The following HAAO variants were observed in gnomAD, a reference collection of about 807,000 sequenced individuals.
The protein encoded by HAAO is 3-hydroxyanthranilate 3,4-dioxygenase.
In HAAO, 49 loss-of-function variants were observed where a neutral mutation model predicts 46.2. The ratio of observed to expected loss-of-function variants is 1.06; its 90% CI spans 0.84 to 1.34. HAAO has a LOEUF of 1.34. HAAO is among the 40% of genes most tolerant of loss of function. The pLI, the probability that HAAO is intolerant of heterozygous loss-of-function variation, is 0.00. For synonymous variants in HAAO, 157 were observed against 145.2 expected (o/e 1.08, Z -0.58); for missense variants, 408 against 364.5 (o/e 1.12, Z -0.97).
At chr2:42,768,585 T>C (rs1670846737) in intron 7 of HAAO, among the ~76,000 whole-genome samples, 1 of 152,128 alleles carries the variant, frequency 6.6e-6, no homozygotes, top group African/African-American at 2.4e-5. Context: ...CCTGTGGCCA[T>C]GAGCATCCCT....
intron 4 of HAAO, among the ~76,000 whole-genome samples, chr2:42,777,171 TG>T (rs1671642055): frequency 6.6e-6 from 1 of 151,014 alleles, no homozygotes; most frequent in South Asian, 2.1e-4. Flanking sequence ...GGTGTGGTTG[TG>T]GGCGCCTGCA....
chr2:42,778,912 G>A (rs1056911426), intron 4 of HAAO, among the ~76,000 whole-genome samples: 9 of 152,138 alleles, frequency 5.9e-5, no homozygotes, highest in Middle Eastern at 3.4e-3. Flanking sequence ...TCAGGAGTTC[G>A]AGACCAGCTT....
rs1363954556 is a variant in HAAO at position 42,783,341 on chromosome 2, C to T, written c.323G>A (p.Arg108Gln). Residue 108 changes from arginine to glutamine, a missense_variant, in exon 4 of 10, where the codon CGG becomes CAG. By Grantham distance (43) the Arg-to-Gln change is conservative. Transcript: ENST00000294973. ...GAGCCCATCTAGCTCGGTCTCCAGC[C>T]GCCTTCGCTCAACCACCAGCCCCAC... ...NTVGLVVERR[R>Q]LETELDGLRY... is the part of the protein sequence containing the mutation. 1.1e-5 allele frequency: 18 copies of T among 1,612,392 alleles called. No individual in the cohort carries two copies. The highest frequency in any genetic ancestry group is 4.5e-5 in the East Asian group (2 of 44,858).
intron 6 of HAAO, 108 bp from the exon 7 acceptor site, chr2:42,769,966 G>T (rs1573899950): frequency 1.6e-6 from 2 of 1,273,676 alleles, no homozygotes; most frequent in South Asian, 2.8e-5. Flanking sequence ...AACAGGCTCT[G>T]TATCCAGCTC....
chr2:42,784,630 G>GCAGAC (rs1672262805), intron 2 of HAAO, among the ~76,000 whole-genome samples: 1 of 152,076 alleles, frequency 6.6e-6, no homozygotes, highest in South Asian at 2.1e-4. Context: ...AGAGGAGGAG[G>GCAGAC]CAGACCGGTT....
rs767323901 is a variant in HAAO, at chr2:42,767,672, G to C, written c.705C>G (p.Gly235=). 2.6e-6 allele frequency: 4 copies of C among 1,568,446 alleles called. No individual in the cohort carries two copies. The South Asian group carries it at 3.5e-5, about 14-fold the overall frequency. The change falls in exon 9 of 10, where the codon GGC becomes GGG. Residue 235 remains glycine (G), a synonymous_variant. Transcript: ENST00000294973. ...NVDVWLWQLE[G]SSVVTMGGRR... ...GTCCCCCCATTGTCACCACCGAGGA[G>C]CCCTCCTGGAGAAGAGGAGCAGGAG...
intron 2 of HAAO, among the ~76,000 whole-genome samples, chr2:42,785,202 G>A (rs376777579): frequency 2.0e-5 from 3 of 152,118 alleles, no homozygotes; most frequent in Admixed American, 6.6e-5. Context: ...TGTGCTCAGC[G>A]CATAGTAAGC....
At chr2:42,791,412 G>A (rs1432022579) in intron 1 of HAAO, among the ~76,000 whole-genome samples, 1 of 152,154 alleles carries the variant, frequency 6.6e-6, no homozygotes, top group Non-Finnish European at 1.5e-5. Flanking sequence ...AGGCAAAGAT[G>A]ATGCTACATC....
intron 1 of HAAO, 116 bp from the exon 2 acceptor site, chr2:42,788,723 T>C (rs1573958956): frequency 1.4e-6 from 1 of 736,844 alleles, no homozygotes; most frequent in African/African-American, 1.7e-5. Context: ...AGCAGGGCTG[T>C]TTTGGCCTCA....
At chr2:42,769,630 AG>A in intron 7 of HAAO, 82 bp downstream of exon 7, 1 of 1,096,230 alleles carries the variant, frequency 9.1e-7, no homozygotes, top group South Asian at 1.5e-5. Flanking sequence ...AGAGAGAGAG[AG>A]AGAGGCAGTG....
chr2:42,783,428 G>C lies in HAAO; in HGVS notation c.244-8C>G, dbSNP rs201277760. The C allele has an allele frequency of 6.4e-7, 1 of 1,556,990 alleles. No individual in the cohort carries two copies. Among genetic ancestry groups the C allele is most frequent in the Non-Finnish European group, 8.8e-7 (1 of 1,130,086 alleles). On this transcript the variant is annotated splice_region_variant and splice_polypyrimidine_tract_variant and intron_variant, in intron 3 of 9. Coordinates refer to ENST00000294973, the MANE Select transcript of HAAO (RefSeq NM_012205.3). The stretch of plus-strand genomic sequence containing the variant: ...GGCAGGCAGGAGGAATATCTGCAGT[G>C]GTAGAGATAAGGTGCACAGTGAGGC...
chr2:42,781,386 G>T (rs778502039), intron 4 of HAAO, among the ~76,000 whole-genome samples: 24 of 152,014 alleles, frequency 1.6e-4, no homozygotes, highest in Non-Finnish European at 2.5e-4. Flanking sequence ...CTGACCTTTG[G>T]TAAGTAAAGA....
intron 4 of HAAO, chr2:42,783,042 G>T (rs551334769): frequency 1.9e-6 from 1 of 521,448 alleles, no homozygotes; most frequent in Non-Finnish European, 3.5e-6. Flanking sequence ...ACAACCTCAC[G>T]CAGAAAGCAC....
rs1210596494 is a variant in HAAO at position 42,769,579 on chromosome 2, G to C, written c.630+134C>G. The C allele has an allele frequency of 5.2e-3, 798 of 152,134 alleles. 1 individual carries two copies. The highest frequency in any genetic ancestry group is 0.049 in the African/African-American group (661 of 13,474). The allele number at this position is 152,134 out of a possible 1,614,324, so 9.4% of individuals were successfully genotyped here. On this transcript the variant is annotated intron_variant, in intron 7 of 9. Coordinates refer to ENST00000294973, the MANE Select transcript of HAAO (RefSeq NM_012205.3). ...TCTACAACCTCTGAAATGTGTGTGT[G>C]TGTGTGTGTGTGTGTGTGTGTGTGT...
Position 42,781,594 on chromosome 2 carries a change from C to T in HAAO, c.350+1720G>A, listed in dbSNP as rs536182817. On this transcript the variant is annotated intron_variant, in intron 4 of 9. Coordinates refer to ENST00000294973, the MANE Select transcript of HAAO (RefSeq NM_012205.3). ...TATGTAAAAAATAATTATTCTTGGC[C>T]AGGTGTGGTGGCTCATGCCTGTAAT... 1.6e-3 allele frequency among the ~76,000 whole-genome samples: 248 copies of T among 152,266 alleles called. 1 individual carries two copies. The highest frequency in any genetic ancestry group is 4.4e-3 in the South Asian group (21 of 4,824).
chr2:42,770,572 C>T lies in HAAO; in HGVS notation c.361G>A (p.Gly121Ser), dbSNP rs746987361. 6.4e-7 allele frequency: 1 copy of T among 1,550,694 alleles called. No individual in the cohort carries two copies. The highest frequency in any genetic ancestry group is 1.2e-5 in the South Asian group (1 of 83,902). The change falls in exon 5 of 10, where the codon GGC (glycine) becomes AGC (serine). Residue 121 changes from glycine (G) to serine (S), a missense_variant. Coordinates refer to ENST00000294973, the MANE Select transcript of HAAO (RefSeq NM_012205.3). Reference sequence around the variant, plus strand: ...TCAAACAGAACGTCCATGGTGTCGCCCACATAGTACCTGCCAGAGCAGAGG... The same window carrying T: ...TCAAACAGAACGTCCATGGTGTCGCTCACATAGTACCTGCCAGAGCAGAGG... ...TELDGLRYYV[G>S]DTMDVLFEKW...
At position 42,770,040 on chromosome 2, in the gene HAAO, G is replaced by C. The variant is rs1573900231; in HGVS notation, c.484+103C>G. ...CATCTTCTTAGTACCTTGAGGACTG[G>C]GCAGAGTATTCAAAAAGAGACTCCC... On this transcript the variant is annotated intron_variant, in intron 6 of 9. Coordinates refer to ENST00000294973, the MANE Select transcript of HAAO (RefSeq NM_012205.3). The C allele has an allele frequency of 4.2e-6, 5 of 1,182,672 alleles. No homozygotes were observed. In the East Asian group the frequency reaches 9.9e-5, roughly 23 times the overall value. 73.3% of individuals were successfully genotyped at this position (1,182,672 alleles called of 1,614,324 possible).
chr2:42,781,390 G>T (rs549649677), intron 4 of HAAO, among the ~76,000 whole-genome samples: 1 of 152,252 alleles, frequency 6.6e-6, no homozygotes, highest in South Asian at 2.1e-4. Flanking sequence ...CCTTTGGTAA[G>T]TAAAGACCCT....
At chr2:42,769,387 A>G (rs1015301124) in intron 7 of HAAO, among the ~76,000 whole-genome samples, 4 of 152,224 alleles carry the variant, frequency 2.6e-5, no homozygotes, top group Non-Finnish European at 4.4e-5. Flanking sequence ...TAGCGAGGGG[A>G]AAACTGCAGA....
Sources: allele counts gnomAD v4.1 joint callset (sites outside exome capture counted in the v4.1 genomes callset), GRCh38; gene constraint gnomAD v4.1.1; transcripts MANE v1.5; gene names NCBI Gene and HGNC (gene_info 2026-07-23, HGNC 2026-07-21).